The following ZNF487 variants were observed in gnomAD, a reference collection of about 807,000 sequenced individuals.
ZNF487 encodes zinc finger protein 487.
Under a neutral mutation model 3.0 loss-of-function variants are expected in ZNF487, and 4 were observed. That is an observed-to-expected ratio of 1.35 (90% CI 0.66 to 3.08). ZNF487 has a LOEUF of 3.08. Among genes scored for constraint, ZNF487 ranks in the 30% most tolerant of loss-of-function variants. ZNF487 has a pLI of 0.01. For synonymous variants in ZNF487, 55 were observed against 34.6 expected, an observed-to-expected ratio of 1.59 and a Z score of -2.06; for missense variants, 146 against 98.7, an observed-to-expected ratio of 1.48 and a Z score of -2.03.
chr10:43,453,898 G>A (rs1840087434), intron 1 of ZNF487: 1 of 152,076 alleles, frequency 6.6e-6, no homozygotes, highest in Non-Finnish European at 1.5e-5. Context: ...GCTGCCTGAT[G>A]AGTATAATGC....
chr10:43,466,385 C>G (rs569195170), intron 1 of ZNF487, among the ~76,000 whole-genome samples: 1 of 150,856 alleles, frequency 6.6e-6, no homozygotes, highest in East Asian at 2.0e-4. Context: ...TTTTTGTTTT[C>G]TTTTCTTTTT....
chr10:43,474,980 G>A (rs1841040462), intron 1 of ZNF487, among the ~76,000 whole-genome samples: 1 of 151,942 alleles, frequency 6.6e-6, no homozygotes, highest in African/African-American at 2.4e-5. Context: ...AGTATCTTAA[G>A]AGGCCAGGCT....
At chr10:43,470,103 G>A (rs762865584) in intron 1 of ZNF487, among the ~76,000 whole-genome samples, 12 of 152,276 alleles carry the variant, frequency 7.9e-5, no homozygotes, top group East Asian at 7.7e-4. Context: ...TTATTGCAGT[G>A]GTCCGGAACT....
intron 1 of ZNF487, among the ~76,000 whole-genome samples, chr10:43,465,520 C>T (rs1487168603): frequency 2.5e-4 from 38 of 151,360 alleles, no homozygotes; most frequent in African/African-American, 9.0e-4. Context: ...GGGTCGTGGC[C>T]GGGCAGAGGC....
At chr10:43,508,714 T>C in the ZNF487 span, among the ~76,000 whole-genome samples, 1 of 152,040 alleles carries the variant, frequency 6.6e-6, no homozygotes, top group African/African-American at 2.4e-5. Flanking sequence ...GGTGTAGTGG[T>C]GCATGCCTGT....
At chr10:43,442,847 C>T (rs566392268) in intron 1 of ZNF487, among the ~76,000 whole-genome samples, 12 of 152,064 alleles carry the variant, frequency 7.9e-5, no homozygotes, top group East Asian at 1.9e-4. Context: ...GTGCTTGCTT[C>T]GACAGCACAT....
At chr10:43,487,251 T>A (rs1343698256), downstream of ZNF487, among the ~76,000 whole-genome samples, 1 of 151,396 alleles carries the variant, frequency 6.6e-6, no homozygotes, top group Admixed American at 6.6e-5. Flanking sequence ...GCGATTCTCC[T>A]GCCTCAGCCT....
intron 1 of ZNF487, among the ~76,000 whole-genome samples, chr10:43,459,315 C>T (rs957347867): frequency 1.3e-5 from 2 of 151,950 alleles, no homozygotes; most frequent in Non-Finnish European, 2.9e-5. Flanking sequence ...CTTCATCCTC[C>T]GCCTCCCAGG....
intron 1 of ZNF487, among the ~76,000 whole-genome samples, chr10:43,475,241 C>T (rs935034849): frequency 3.3e-5 from 5 of 152,076 alleles, no homozygotes; most frequent in African/African-American, 4.8e-5. Flanking sequence ...GAAAGTAGGC[C>T]GGGCCTAGTG....
Position 43,481,972 on chromosome 10 carries a change from C to A in ZNF487, c.*50C>A. 1.7e-6 allele frequency: 1 copy of A among 598,842 alleles called. No individual in the cohort carries two copies. The highest frequency in any genetic ancestry group is 2.1e-5 in the South Asian group (1 of 48,082). The allele number at this position is 598,842 out of a possible 1,614,324, so 37.1% of individuals were successfully genotyped here. ...TTCCGATAGACCAATATTCATTGTT[C>A]ATCAGAGAACTCACATAAGGAAGAG... On this transcript the variant is annotated 3_prime_UTR_variant, in exon 4 of 4. Coordinates refer to ENST00000437590, the MANE Select transcript of ZNF487 (RefSeq NM_001355444.3).
the ZNF487 span, among the ~76,000 whole-genome samples, chr10:43,501,246 C>G: frequency 2.4e-4 from 36 of 152,124 alleles, no homozygotes; most frequent in South Asian, 8.3e-4. Context: ...AGGCACTTAC[C>G]ATGCATGGAT....
At chr10:43,455,520 G>T (rs2132073085) in intron 1 of ZNF487, among the ~76,000 whole-genome samples, 1 of 152,370 alleles carries the variant, frequency 6.6e-6, no homozygotes, top group East Asian at 1.9e-4. Context: ...TCCACGTCCG[G>T]GTCAACGCCT....
At chr10:43,511,235 C>G in the ZNF487 span, among the ~76,000 whole-genome samples, 1 of 152,158 alleles carries the variant, frequency 6.6e-6, no homozygotes, top group Non-Finnish European at 1.5e-5. Flanking sequence ...AAAGGCCATT[C>G]CACTGTTCTG....
intron 1 of ZNF487, among the ~76,000 whole-genome samples, chr10:43,472,535 C>G (rs1840940425): frequency 6.6e-6 from 1 of 152,128 alleles, no homozygotes; most frequent in Admixed American, 6.6e-5. Flanking sequence ...AGACCTTGGC[C>G]TCTGGCATAG....
At chr10:43,480,006 T>C (rs1391036363) in intron 3 of ZNF487, among the ~76,000 whole-genome samples, 2 of 73,666 alleles carry the variant, frequency 2.7e-5, no homozygotes, top group Admixed American at 1.7e-4. Context: ...TTTCTTTCTT[T>C]CTTTCTTTCT....
chr10:43,502,929 G>A, the ZNF487 span, among the ~76,000 whole-genome samples: 1 of 151,614 alleles, frequency 6.6e-6, no homozygotes, highest in Admixed American at 6.6e-5. Flanking sequence ...TATTCAAGAG[G>A]CTGAGATGGG....
intron 1 of ZNF487, among the ~76,000 whole-genome samples, chr10:43,463,082 A>C (rs1263629237): frequency 6.6e-6 from 1 of 151,702 alleles, no homozygotes; most frequent in Non-Finnish European, 1.5e-5. Context: ...TAAAAATACA[A>C]AATTAGCTGG....
chr10:43,455,048 G>A (rs1589030021), intron 1 of ZNF487, among the ~76,000 whole-genome samples: 3 of 131,318 alleles, frequency 2.3e-5, no homozygotes, highest in Non-Finnish European at 1.6e-5. Context: ...TCGCTCTGTT[G>A]CCCCGTCCGG....
chr10:43,493,720 ATAT>A, the ZNF487 span, among the ~76,000 whole-genome samples: 1 of 22,866 alleles, frequency 4.4e-5, no homozygotes. Flanking sequence ...ATATATATAT[ATAT>A]ATATATATAT....
Sources: gnomAD v4.1 joint callset for allele counts (sites outside exome capture counted in the v4.1 genomes callset) on GRCh38, gnomAD v4.1.1 for gene constraint, MANE v1.5 for transcripts, NCBI Gene and HGNC (gene_info 2026-07-23, HGNC 2026-07-21) for gene names.